The following NFATC1 variants were observed in gnomAD, a reference collection of about 807,000 sequenced individuals.
The protein encoded by NFATC1 is nuclear factor of activated T cells 1.
Under a neutral mutation model 76.0 loss-of-function variants are expected in NFATC1, and 22 were observed. The ratio of observed to expected loss-of-function variants is 0.29; its 90% CI spans 0.21 to 0.41. NFATC1 has a LOEUF of 0.41. Among genes scored for constraint, NFATC1 ranks in the 10% least tolerant of loss-of-function variants. The pLI, the probability that NFATC1 is intolerant of heterozygous loss-of-function variation, is 1.00. For missense variants in NFATC1, 1,357 were observed against 1,337.7 expected (o/e 1.01, Z -0.23); for synonymous variants, 704 against 613.1 (o/e 1.15, Z -2.19).
rs1466351865 is a variant in NFATC1, at chr18:79,486,678, G to A, written c.2523G>A (p.Ser841=). The A allele has an allele frequency of 7.5e-6, 12 of 1,602,158 alleles. No individual in the cohort carries two copies. Among genetic ancestry groups the A allele is most frequent in the South Asian group, 4.4e-5 (4 of 90,478 alleles). The change falls in exon 9 of 10, where the codon TCG becomes TCA. Residue 841 remains serine, a synonymous_variant. Coordinates refer to ENST00000427363, the MANE Select transcript of NFATC1 (RefSeq NM_001278669.2). The stretch of plus-strand genomic sequence containing the variant: ...GCTGCCCCCCTGGTCTCGAACACTC[G>A]CTCTGCCCCAGCAGCCCCTCTCCTC... The part of the protein sequence containing the change: ...SSSCPPGLEH[S]LCPSSPSPPL...
Position 79,411,182 on chromosome 18 carries a change from A to G in NFATC1, c.907A>G (p.Asn303Asp). The G allele has an allele frequency of 6.2e-7, 1 of 1,611,596 alleles. No individual in the cohort carries two copies. The highest frequency in any genetic ancestry group is 8.5e-7 in the Non-Finnish European group (1 of 1,179,844). The stretch of plus-strand genomic sequence containing the variant: ...CGTGACCGACGACTCGTGGTTGGGC[A>G]ACACCACCCAGTACACCAGCTCGGC... ...VSVTDDSWLG[N>D]TTQYTSSAIV... The change falls in exon 2 of 10, where the codon AAC (asparagine) becomes GAC (aspartate). Residue 303 changes from asparagine to aspartate, a missense_variant. Asn to Asp is a conservative substitution (Grantham distance 23). Coordinates refer to ENST00000427363, the MANE Select transcript of NFATC1 (RefSeq NM_001278669.2).
rs1219881948 is a variant in NFATC1, at chr18:79,411,484, C to T, written c.1209C>T (p.Ser403=). The change falls in exon 2 of 10, where the codon TCC becomes TCT. Residue 403 remains serine (S), a synonymous_variant. Transcript: ENST00000427363. ...PYQWAKPKPL[S]PTSYMSPTLP... is the part of the protein sequence containing the mutation. ...AGTGGGCGAAGCCCAAGCCCCTGTC[C>T]CCTACGTCCTACATGAGGTGAGCCG... The T allele has an allele frequency of 2.7e-6, 4 of 1,507,786 alleles. No individual in the cohort carries two copies. The highest frequency in any genetic ancestry group is 2.7e-6 in the Non-Finnish European group (3 of 1,130,306). The allele number at this position is 1,507,786 out of a possible 1,614,324, so 93.4% of individuals were successfully genotyped here.
chr18:79,493,003 C>T (rs73498309), intron 9 of NFATC1, among the ~76,000 whole-genome samples: 17,251 of 141,402 alleles, frequency 0.12, 1,185 homozygotes, highest in African/African-American at 0.19. Context: ...TAAATTCCAA[C>T]AATGAGGTCG....
chr18:79,402,816 A>G (rs2596606), intron 1 of NFATC1, among the ~76,000 whole-genome samples: 44,025 of 152,116 alleles, frequency 0.29, 8,138 homozygotes, highest in African/African-American at 0.53. Flanking sequence ...AATGGTGTTA[A>G]TTATTTATAT....
chr18:79,454,495 G>A (rs765256247), intron 6 of NFATC1, among the ~76,000 whole-genome samples: 5 of 152,182 alleles, frequency 3.3e-5, no homozygotes, highest in Admixed American at 6.5e-5. Flanking sequence ...GCGGGGAGCC[G>A]GCCGGGCAAG....
At chr18:79,460,954 G>A (rs1376267585) in intron 6 of NFATC1, among the ~76,000 whole-genome samples, 3 of 152,186 alleles carry the variant, frequency 2.0e-5, no homozygotes, top group Admixed American at 1.3e-4. Context: ...AGACCCTCCC[G>A]TGACCTGTCC....
At position 79,436,503 on chromosome 18, in the gene NFATC1, CCCCGCGCCCGGTATCCCCGTCCT is replaced by C. The variant is rs201361991; in HGVS notation, c.1386+2771_1386+2793del. Among the ~76,000 whole-genome samples, 702 of 152,228 alleles carry C rather than the reference CCCCGCGCCCGGTATCCCCGTCCT, an allele frequency of 4.6e-3. 12 individuals carry two copies. In the East Asian group the frequency reaches 0.053, roughly 11 times the overall value. The stretch of plus-strand genomic sequence containing the variant: ...TCTCGCGGCCAGGGGCACGCTGTGC[CCCCGCGCCCGGTATCCCCGTCCT>C]CCCGCACCCGGCGTCCGCGTCCTCC... On this transcript the variant is annotated intron_variant, in intron 3 of 9. Transcript: ENST00000427363.
chr18:79,521,427 T>C (rs1232116938), intron 9 of NFATC1, among the ~76,000 whole-genome samples: 1 of 97,580 alleles, frequency 1.0e-5, no homozygotes. Context: ...CATCCACTGA[T>C]GTGTGTGTCT....
At chr18:79,406,555 A>T (rs1346519209) in intron 1 of NFATC1, among the ~76,000 whole-genome samples, 2 of 152,218 alleles carry the variant, frequency 1.3e-5, no homozygotes, top group Non-Finnish European at 2.9e-5. Flanking sequence ...TTCTGCTCCA[A>T]CAGGCGAGAG....
intron 1 of NFATC1, among the ~76,000 whole-genome samples, chr18:79,398,608 T>G (rs1258690887): frequency 6.6e-6 from 1 of 152,162 alleles, no homozygotes; most frequent in African/African-American, 2.4e-5. Flanking sequence ...TGGAGACCAG[T>G]GCAGTCCTAG....
chr18:79,423,081 CAG>C (rs1160972865), intron 2 of NFATC1, among the ~76,000 whole-genome samples: 2 of 151,410 alleles, frequency 1.3e-5, no homozygotes, highest in Non-Finnish European at 2.9e-5. Context: ...TCACGAGATA[CAG>C]GGGTGGACCT....
At chr18:79,478,174 C>G (rs1465576171) in intron 8 of NFATC1, among the ~76,000 whole-genome samples, 1 of 145,582 alleles carries the variant, frequency 6.9e-6, no homozygotes, top group Non-Finnish European at 1.5e-5. Flanking sequence ...CCCCGAGGAG[C>G]CAGGAGCTGC....
rs115033412 is a variant in NFATC1, at chr18:79,520,416, C to T, written c.2783-7112C>T. 6.6e-3 allele frequency among the ~76,000 whole-genome samples: 981 copies of T among 149,066 alleles called. 8 individuals are homozygous for T. Among genetic ancestry groups the T allele is most frequent in the African/African-American group, 0.023 (929 of 41,118 alleles). ...CTCCGACATCCTGCTCCGCTGGCGC[C>T]TCTGGCCACCTGCCTCCCCCACCCC... On this transcript the variant is annotated intron_variant, in intron 9 of 9. Coordinates refer to ENST00000427363, the MANE Select transcript of NFATC1 (RefSeq NM_001278669.2).
At chr18:79,476,794 T>G (rs61695168) in intron 8 of NFATC1, among the ~76,000 whole-genome samples, 9,674 of 152,286 alleles carry the variant, frequency 0.064, 1,023 homozygotes, top group African/African-American at 0.22. Context: ...GTTGTCAGCC[T>G]CCACGGAGCT....
rs866503096 is a variant in NFATC1 at position 79,402,343 on chromosome 18, C to G, written c.127+5992C>G. 14 of 985,440 alleles carry G rather than the reference C, an allele frequency of 1.4e-5. No individual in the cohort carries two copies. The South Asian group carries it at 5.6e-4, about 40-fold the overall frequency. The allele number at this position is 985,440 out of a possible 1,614,324, so 61.0% of individuals were successfully genotyped here. Reference sequence around the variant, plus strand: ...ATGGGGACCCTGGTGAACATGGGGTCTCTCCTGACCCAGAAGCAGGTGGCC... The same window carrying G: ...ATGGGGACCCTGGTGAACATGGGGTGTCTCCTGACCCAGAAGCAGGTGGCC... On this transcript the variant is annotated intron_variant, in intron 1 of 9. Coordinates refer to ENST00000427363, the MANE Select transcript of NFATC1 (RefSeq NM_001278669.2).
chr18:79,420,710 G>A (rs1430763882), intron 2 of NFATC1: 2 of 152,712 alleles, frequency 1.3e-5, no homozygotes, highest in African/African-American at 2.4e-5. Flanking sequence ...AGAGGAAGAG[G>A]AGGACGTGTT....
chr18:79,411,021 A>G lies in NFATC1; in HGVS notation c.746A>G (p.Glu249Gly). The G allele has an allele frequency of 6.2e-7, 1 of 1,611,704 alleles. No homozygotes were observed. Among genetic ancestry groups the G allele is most frequent in the Non-Finnish European group, 8.5e-7 (1 of 1,179,552 alleles). The change falls in exon 2 of 10, where the codon GAG becomes GGG. Residue 249 changes from glutamate (E) to glycine (G), a missense_variant. Physicochemically the swap from Glu to Gly is moderately conservative, Grantham distance 98 (BLOSUM62 -2). Around this residue, in one of 3 missense-constraint regions of NFATC1, gnomAD observed 691 missense variants for 613.1 expected, o/e 1.13. Coordinates refer to ENST00000427363, the MANE Select transcript of NFATC1 (RefSeq NM_001278669.2). ...TCGCCCCGCGCCAGCGTCACTGAGGAGAGCTGGCTGGGTGCCCGCTCCTCC... is the reference window on the plus strand; with the variant it reads ...TCGCCCCGCGCCAGCGTCACTGAGGGGAGCTGGCTGGGTGCCCGCTCCTCC... ...STSPRASVTE[E>G]SWLGARSSRP...
chr18:79,469,791 G>A, intron 8 of NFATC1: 10 of 985,204 alleles, frequency 1.0e-5, no homozygotes, highest in Non-Finnish European at 1.2e-5. Flanking sequence ...ACCATCCCAG[G>A]TCCCCACAAG....
chr18:79,470,039 G>T (rs1195177741), intron 8 of NFATC1: 1 of 982,490 alleles, frequency 1.0e-6, no homozygotes, highest in African/African-American at 1.7e-5. Context: ...GTTCCGTCCC[G>T]CGTGCCCGCT....
Sources: allele counts gnomAD v4.1 joint callset (sites outside exome capture counted in the v4.1 genomes callset), GRCh38; gene constraint gnomAD v4.1.1; regional missense constraint gnomAD v4.1.1; transcripts MANE v1.5; gene names NCBI Gene and HGNC (gene_info 2026-07-23, HGNC 2026-07-21).